Variants in NPHS1 observed in about 807,000 individuals in gnomAD.
NPHS1 encodes nephrin.
NPHS1 carries 107 observed loss-of-function variants against 139.7 expected under a neutral mutation model. The observed-to-expected ratio is 0.77, with a 90% confidence interval of 0.66 to 0.90. NPHS1 has a LOEUF of 0.90. Ranked by LOEUF, NPHS1 falls within the 40% of genes least tolerant of loss-of-function variation. The pLI is 0.00. For missense variants in NPHS1, 1,580 were observed against 1,654.2 expected, an observed-to-expected ratio of 0.96 and a Z score of 0.78; for synonymous variants, 707 against 706.6, an observed-to-expected ratio of 1.00 and a Z score of -0.01.
intron 4 of NPHS1, 89 bp downstream of exon 4, chr19:35,850,872 C>A: frequency 6.6e-7 from 1 of 1,512,616 alleles, no homozygotes; most frequent in Non-Finnish European, 9.0e-7. Flanking sequence ...TTTTCTGGGG[C>A]CCTTAGAAGG....
At position 35,846,036 on chromosome 19, in the gene NPHS1, G is replaced by A. The variant is rs772497943; in HGVS notation, c.1599C>T (p.Leu533=). 2 of 1,591,936 alleles carry A rather than the reference G, an allele frequency of 1.3e-6. No homozygotes were observed. The highest frequency in any genetic ancestry group is 1.1e-5 in the South Asian group (1 of 87,706). The change falls in exon 12 of 29, where the codon CTC becomes CTT. Residue 533 remains leucine, a synonymous_variant. Transcript: ENST00000378910. ...QAKFTCKAGQ[L]SASTQLAVQF... ...GCACCGCCAGCTGCGTGGACGCGCT[G>A]AGCTGTCCAGCCTTGCACGTGAACT...
At position 35,848,702 on chromosome 19, in the gene NPHS1, G is replaced by A. The variant is rs746569163; in HGVS notation, c.1105C>T (p.Arg369Trp). The change falls in exon 9 of 29, where the codon CGG becomes TGG. Residue 369 changes from arginine (R) to tryptophan (W), a missense_variant. Physicochemically the swap from Arg to Trp is moderately radical, Grantham distance 101 (BLOSUM62 -3). Coordinates refer to ENST00000378910, the MANE Select transcript of NPHS1 (RefSeq NM_004646.4). ...LSCVSKSSRP[R>W]VLLRWWLGWR... ...CCCAGCCACCATCGTAGCAGAACCC[G>A]CGGGCGACTGGACTTGCTGACACAG... 49 of 1,614,010 alleles carry A rather than the reference G, an allele frequency of 3.0e-5. No individual in the cohort carries two copies. The highest frequency in any genetic ancestry group is 1.3e-4 in the Admixed American group (8 of 59,990).
In NPHS1 at chr19:35,830,829, T is replaced by C. The variant is rs367958050; in HGVS notation, c.3594+15A>G. On this transcript the variant is annotated intron_variant, in intron 28 of 28. Coordinates refer to ENST00000378910, the MANE Select transcript of NPHS1 (RefSeq NM_004646.4). Reference sequence around the variant, plus strand: ...ACTAGCCAGGAAGGATGGTTGCTGATGCAAAGCTTCTCACCATCTGCACTT... The same window carrying C: ...ACTAGCCAGGAAGGATGGTTGCTGACGCAAAGCTTCTCACCATCTGCACTT... 3 of 1,510,618 alleles carry C rather than the reference T, an allele frequency of 2.0e-6. No individual in the cohort carries two copies. The African/African-American group carries it at 4.1e-5, about 21-fold the overall frequency. 93.6% of individuals were successfully genotyped at this position (1,510,618 alleles called of 1,614,324 possible). A position where few individuals can be genotyped will look rare whatever the true frequency, so the allele number is the denominator to read the frequency against.
At chr19:35,836,480 T>C (rs531217358) in intron 22 of NPHS1, among the ~76,000 whole-genome samples, 1 of 152,228 alleles carries the variant, frequency 6.6e-6, no homozygotes, top group African/African-American at 2.4e-5. Context: ...ACCCGAATTA[T>C]CAATTTGTTG....
In NPHS1 at chr19:35,825,707, A is replaced by G. The variant is rs1205483403; in HGVS notation, c.*807T>C. On this transcript the variant is annotated 3_prime_UTR_variant, in exon 29 of 29. Coordinates refer to ENST00000378910, the MANE Select transcript of NPHS1 (RefSeq NM_004646.4). ...TGTCTGTTTATTTTAATGCTTATGG[A>G]GCATACTTATGTTTACATGTGTCAT... is the stretch of plus-strand genomic sequence containing the variant. Among the ~76,000 whole-genome samples, 1 of 152,130 alleles carries G rather than the reference A, an allele frequency of 6.6e-6. No homozygotes were observed. Among genetic ancestry groups the G allele is most frequent in the Non-Finnish European group, 1.5e-5 (1 of 68,040 alleles).
rs562187646 is a variant in NPHS1, at chr19:35,826,327, C to A, written c.*187G>T. 3.0e-5 allele frequency: 19 copies of A among 644,054 alleles called. No homozygotes were observed. The highest frequency in any genetic ancestry group is 2.7e-4 in the South Asian group (14 of 52,674). 39.9% of individuals were successfully genotyped at this position (644,054 alleles called of 1,614,324 possible). On this transcript the variant is annotated 3_prime_UTR_variant, in exon 29 of 29. Transcript: ENST00000378910. ...AGTTTCTAAAGCCAACCCCAGGATGCACCTTGTTTCTACTCTGGTACCAGC... is the reference window on the plus strand; with the variant it reads ...AGTTTCTAAAGCCAACCCCAGGATGAACCTTGTTTCTACTCTGGTACCAGC...
chr19:35,851,043 G>A lies in NPHS1; in HGVS notation c.444C>T (p.Val148=). 1 of 1,614,194 alleles carries A rather than the reference G, an allele frequency of 6.2e-7. No homozygotes were observed. The highest frequency in any genetic ancestry group is 8.5e-7 in the Non-Finnish European group (1 of 1,180,030). Residue 148 remains valine, a synonymous_variant, in exon 4 of 29, where the codon GTC becomes GTT. Coordinates refer to ENST00000378910, the MANE Select transcript of NPHS1 (RefSeq NM_004646.4). ...LLLTPEAGTM[V]TWVAGQEYVV... Reference sequence around the variant, plus strand: ...CGTACTCCTGCCCAGCTACCCAGGTGACCATGGTGCCTGCCTCTGGGGTCA... The same window carrying A: ...CGTACTCCTGCCCAGCTACCCAGGTAACCATGGTGCCTGCCTCTGGGGTCA...
intron 8 of NPHS1, 77 bp from the exon 9 acceptor site, chr19:35,848,871 A>G: frequency 6.2e-7 from 1 of 1,610,618 alleles, no homozygotes; most frequent in Non-Finnish European, 8.5e-7. Context: ...AGGACTGGAG[A>G]CAGATGCTGA....
chr19:35,837,846 C>T (rs1176173752), intron 22 of NPHS1, among the ~76,000 whole-genome samples: 1 of 151,528 alleles, frequency 6.6e-6, no homozygotes, highest in Non-Finnish European at 1.5e-5. Flanking sequence ...AAGTAATACA[C>T]CCGCCTTGGC....
Position 35,843,894 on chromosome 19 carries a change from A to G in NPHS1, c.2212+209T>C. 4 of 732,452 alleles carry G rather than the reference A, an allele frequency of 5.5e-6. No individual in the cohort carries two copies. In the South Asian group the frequency reaches 5.7e-5, roughly 10 times the overall value. 45.4% of individuals were successfully genotyped at this position (732,452 alleles called of 1,614,324 possible). A position where few individuals can be genotyped will look rare whatever the true frequency, so the allele number is the denominator to read the frequency against. The stretch of plus-strand genomic sequence containing the variant: ...GAGCAGCTTCCGTGTCTAGGCGGGC[A>G]CCCTCTCTGGGCAGAGATTCCACAC... On this transcript the variant is annotated intron_variant, in intron 16 of 28. Transcript: ENST00000378910.
rs973455647 is a variant in NPHS1, at chr19:35,825,747, G to A, written c.*767C>T. On this transcript the variant is annotated 3_prime_UTR_variant, in exon 29 of 29. Transcript: ENST00000378910. ...ACATGTGTCATAGTTTATGCCTCCTGTGTTAGATAACTGTCGGAAATAATA... is the reference window on the plus strand; with the variant it reads ...ACATGTGTCATAGTTTATGCCTCCTATGTTAGATAACTGTCGGAAATAATA... Among the ~76,000 whole-genome samples, 2 of 152,154 alleles carry A rather than the reference G, an allele frequency of 1.3e-5. No homozygotes were observed. Among genetic ancestry groups the A allele is most frequent in the Non-Finnish European group, 2.9e-5 (2 of 68,038 alleles).
intron 7 of NPHS1, 43 bp downstream of exon 7, chr19:35,849,193 A>C (rs1311862849): frequency 1.9e-6 from 3 of 1,612,832 alleles, no homozygotes; most frequent in Non-Finnish European, 1.7e-6. Context: ...TGGCTCCCAG[A>C]CCCCACTGTC....
chr19:35,851,922 G>T lies in NPHS1; in HGVS notation c.-85C>A. 1.7e-6 allele frequency: 2 copies of T among 1,159,744 alleles called. No individual in the cohort carries two copies. Among genetic ancestry groups the T allele is most frequent in the Non-Finnish European group, 2.5e-6 (2 of 792,470 alleles). The allele number at this position is 1,159,744 out of a possible 1,614,324, so 71.8% of individuals were successfully genotyped here. A position where few individuals can be genotyped will look rare whatever the true frequency, so the allele number is the denominator to read the frequency against. Reference sequence around the variant, plus strand: ...GCTTTCTCTGGGTCCCTCTCTGTGTGTCTCTGCCACCTGCTTTTCTTTTTT... The same window carrying T: ...GCTTTCTCTGGGTCCCTCTCTGTGTTTCTCTGCCACCTGCTTTTCTTTTTT... On this transcript the variant is annotated 5_prime_UTR_variant, in exon 1 of 29. Transcript: ENST00000378910.
At chr19:35,826,972 C>T (rs1438109624) in intron 28 of NPHS1, among the ~76,000 whole-genome samples, 1 of 151,894 alleles carries the variant, frequency 6.6e-6, no homozygotes, top group African/African-American at 2.4e-5. Context: ...CCTGTATCTA[C>T]AAAAAATAAT....
At chr19:35,833,566 T>C (rs1972912127) in intron 23 of NPHS1, among the ~76,000 whole-genome samples, 1 of 152,190 alleles carries the variant, frequency 6.6e-6, no homozygotes, top group Non-Finnish European at 1.5e-5. Context: ...CCCCTCTGAT[T>C]GAAGAAACTC....
chr19:35,833,565 T>C (rs1972912096), intron 23 of NPHS1, among the ~76,000 whole-genome samples: 1 of 152,190 alleles, frequency 6.6e-6, no homozygotes, highest in African/African-American at 2.4e-5. Context: ...GCCCCTCTGA[T>C]TGAAGAAACT....
intron 6 of NPHS1, 59 bp downstream of exon 6, chr19:35,849,491 C>T (rs1201313983): frequency 6.3e-7 from 1 of 1,595,314 alleles, no homozygotes. Context: ...GATCCCCCCA[C>T]ACCCCCCAGT....
Position 35,831,485 on chromosome 19 carries a change from G to A in NPHS1, c.3302C>T (p.Thr1101Ile). Residue 1101 changes from threonine to isoleucine, a missense_variant, in exon 25 of 29, where the codon ACA becomes ATA. Thr to Ile is a moderately conservative substitution (Grantham distance 89). Transcript: ENST00000378910. ...AAATATCCCCACTTACCCTGCCTCT[G>A]TCTTCTCTGAGATGCCTGAAGGAAA... ...RRLAEGISEK[T>I]EAGSEEDRVR... is the part of the protein sequence containing the mutation. 1.2e-6 allele frequency: 2 copies of A among 1,613,664 alleles called. No individual in the cohort carries two copies. The highest frequency in any genetic ancestry group is 1.7e-6 in the Non-Finnish European group (2 of 1,179,916).
Position 35,849,507 on chromosome 19 carries a change from C to T in NPHS1, c.712+43G>A, listed in dbSNP as rs1351887481. The T allele has an allele frequency of 8.8e-6, 14 of 1,596,142 alleles. No individual in the cohort carries two copies. In the Middle Eastern group the frequency reaches 5.0e-4, roughly 57 times the overall value. ...ATCCCCCCACACCCCCCAGTGCCTG[C>T]TCCCCATCCTCAGCGCCCTAGTTGG... On this transcript the variant is annotated intron_variant, in intron 6 of 28. Coordinates refer to ENST00000378910, the MANE Select transcript of NPHS1 (RefSeq NM_004646.4).
Sources: allele counts gnomAD v4.1 joint callset (sites outside exome capture counted in the v4.1 genomes callset), GRCh38; gene constraint gnomAD v4.1.1; transcripts MANE v1.5; gene names NCBI Gene and HGNC (gene_info 2026-07-23, HGNC 2026-07-21).